Variants in ZNF790 observed in about 807,000 individuals in gnomAD.
ZNF790 encodes the protein zinc finger protein 790.
A neutral mutation model predicts 12.1 loss-of-function variants in ZNF790; 8 were observed. The observed-to-expected ratio is 0.66, with a 90% CI of 0.39 to 1.19. ZNF790 has a LOEUF of 1.19. Among genes scored for constraint, ZNF790 ranks in the 50% most tolerant of loss-of-function variants. The pLI is 0.01. For synonymous variants in ZNF790, 252 were observed against 244.3 expected (o/e 1.03, Z -0.29); for missense variants, 707 against 752.2 (o/e 0.94, Z 0.70).
At position 36,818,436 on chromosome 19, in the gene ZNF790, C is replaced by T. The variant is rs2071589369; in HGVS notation, c.1908G>A (p.Leu636=). The change falls in exon 5 of 5, where the codon TTG becomes TTA. Residue 636 remains leucine (L), a synonymous_variant. Coordinates refer to ENST00000356725, the MANE Select transcript of ZNF790 (RefSeq NM_206894.4). ...FSSSSHFISL[L] The stretch of plus-strand genomic sequence containing the variant: ...TCCTACACTTTTATATAATATTTCA[C>T]AAGAGTGAAATGAAGTGAGAGCTTG... 1.3e-6 allele frequency: 2 copies of T among 1,532,638 alleles called. No homozygotes were observed. 94.9% of individuals were successfully genotyped at this position (1,532,638 alleles called of 1,614,324 possible).
At position 36,823,783 on chromosome 19, in the gene ZNF790, A is replaced by G. The variant is rs556578649; in HGVS notation, c.17T>C (p.Met6Thr). 6.9e-6 allele frequency: 11 copies of G among 1,604,826 alleles called. 2 individuals carry two copies. The African/African-American group carries it at 1.1e-4, about 16-fold the overall frequency. MAHLM[M>T]FRDVAVDFSQ... Reference sequence around the variant, plus strand: ...GAAATCTACAGCCACATCCCTGAACATCATCAACTGTTGGAAAGAATAATT... The same window carrying G: ...GAAATCTACAGCCACATCCCTGAACGTCATCAACTGTTGGAAAGAATAATT... The change falls in exon 3 of 5, where the codon ATG (methionine) becomes ACG (threonine). Residue 6 changes from methionine (M) to threonine (T), a missense_variant. Physicochemically the swap from Met to Thr is moderately conservative, Grantham distance 81. Transcript: ENST00000356725.
At chr19:36,826,817 G>A (rs920502345) in intron 1 of ZNF790, among the ~76,000 whole-genome samples, 2 of 150,214 alleles carry the variant, frequency 1.3e-5, no homozygotes, top group African/African-American at 2.4e-5. Flanking sequence ...CTAGTTCTAA[G>A]GAGCCCAAAC....
upstream of ZNF790, among the ~76,000 whole-genome samples, chr19:36,840,071 G>GA (rs924877011): frequency 1.3e-5 from 2 of 151,548 alleles, no homozygotes; most frequent in South Asian, 2.1e-4. Context: ...CTCAAAAAAA[G>GA]AAAAAAAAGT....
chr19:36,823,161 G>T, intron 4 of ZNF790, 124 bp downstream of exon 4: 2 of 773,166 alleles, frequency 2.6e-6, no homozygotes, highest in Non-Finnish European at 4.1e-6. Context: ...CACCACACCC[G>T]GCCCATTTTT....
At chr19:36,824,417 G>A (rs1286900646) in intron 2 of ZNF790, among the ~76,000 whole-genome samples, 1 of 151,850 alleles carries the variant, frequency 6.6e-6, no homozygotes, top group African/African-American at 2.4e-5. Context: ...AGTGATTCTT[G>A]TGCCCCAGCC....
chr19:36,819,948 A>G lies in ZNF790; in HGVS notation c.396T>C (p.Asp132=), dbSNP rs2071629976. 3 of 1,614,138 alleles carry G rather than the reference A, an allele frequency of 1.9e-6. No homozygotes were observed. The highest frequency in any genetic ancestry group is 2.2e-5 in the East Asian group (1 of 44,874). ...CCTGCTTGAAGCATTCCTCTTGATT[A>G]TCTTGAAGTGTTTGAAACTGAGTGT... The part of the protein sequence containing the change: ...EGNTQFQTLQ[D]NQEECFKQVI... Residue 132 remains aspartate, a synonymous_variant, in exon 5 of 5, where the codon GAT becomes GAC. Transcript: ENST00000356725.
upstream of ZNF790, among the ~76,000 whole-genome samples, chr19:36,840,172 G>A (rs1008246063): frequency 2.0e-4 from 30 of 152,084 alleles, no homozygotes; most frequent in African/African-American, 6.0e-4. Flanking sequence ...TGGATTAACC[G>A]AAAACCCCAT....
Position 36,830,534 on chromosome 19 carries a change from G to T in ZNF790, c.-73-4842C>A, listed in dbSNP as rs1431404568. 2.0e-5 allele frequency among the ~76,000 whole-genome samples: 3 copies of T among 152,146 alleles called. No homozygotes were observed. The East Asian group carries it at 5.8e-4, about 29-fold the overall frequency. On this transcript the variant is annotated intron_variant, in intron 1 of 4. Coordinates refer to ENST00000356725, the MANE Select transcript of ZNF790 (RefSeq NM_206894.4). ...AAATACTGGCCTCATAAAATGAGCT[G>T]GGGACTTGGCTGTATTCCTTAATTA...
intron 3 of ZNF790, 89 bp from the exon 4 acceptor site, chr19:36,823,469 A>T: frequency 7.4e-7 from 1 of 1,352,150 alleles, no homozygotes; most frequent in Non-Finnish European, 1.0e-6. Flanking sequence ...GAAGAGAAAC[A>T]ATTACAGGCA....
At chr19:36,823,879 G>A in intron 2 of ZNF790, 89 bp from the exon 3 acceptor site, 1 of 1,241,164 alleles carries the variant, frequency 8.1e-7, no homozygotes, top group Non-Finnish European at 1.1e-6. Flanking sequence ...GGCTGGAAAG[G>A]GGCACTGCAG....
At chr19:36,824,145 C>T (rs930697100) in intron 2 of ZNF790, among the ~76,000 whole-genome samples, 18 of 151,726 alleles carry the variant, frequency 1.2e-4, no homozygotes, top group Admixed American at 8.5e-4. Flanking sequence ...TACAGGCGCC[C>T]GCTACCACGC....
intron 4 of ZNF790, among the ~76,000 whole-genome samples, chr19:36,820,866 G>A (rs2071651736): frequency 6.6e-6 from 1 of 150,558 alleles, no homozygotes; most frequent in African/African-American, 2.4e-5. Flanking sequence ...CCACACTCCA[G>A]CATGGGTGAC....
Position 36,819,092 on chromosome 19 carries a change from C to A in ZNF790, c.1252G>T (p.Gly418Cys), listed in dbSNP as rs775661080. 1.2e-6 allele frequency: 2 copies of A among 1,613,702 alleles called. No homozygotes were observed. Among genetic ancestry groups the A allele is most frequent in the Admixed American group, 3.3e-5 (2 of 59,922 alleles). ...HLARHQRIHT[G>C]RKPYECKQCG... Reference sequence around the variant, plus strand: ...TGCTTACATTCATAAGGTTTCCTGCCAGTATGAATTCGCTGATGTCGAGCA... The same window carrying A: ...TGCTTACATTCATAAGGTTTCCTGCAAGTATGAATTCGCTGATGTCGAGCA... The change falls in exon 5 of 5, where the codon GGC becomes TGC. Residue 418 changes from glycine (G) to cysteine (C), a missense_variant. Gly to Cys is a radical substitution (Grantham distance 159). Transcript: ENST00000356725.
At chr19:36,836,733 G>A (rs1454907638) in intron 1 of ZNF790, among the ~76,000 whole-genome samples, 2 of 152,258 alleles carry the variant, frequency 1.3e-5, no homozygotes, top group African/African-American at 4.8e-5. Flanking sequence ...ACTCCAGCCT[G>A]GTGACAGAAC....
upstream of ZNF790, among the ~76,000 whole-genome samples, chr19:36,839,302 GA>G (rs1256727305): frequency 6.6e-6 from 1 of 152,212 alleles, no homozygotes; most frequent in Non-Finnish European, 1.5e-5. Context: ...GAAAATACTT[GA>G]AGTGCATAAA....
chr19:36,828,219 T>G (rs2071871454), intron 1 of ZNF790: 1 of 152,204 alleles, frequency 6.6e-6, no homozygotes, highest in Admixed American at 6.5e-5. Context: ...ATCCCAGCAC[T>G]TTGGGAGGCC....
At chr19:36,827,084 GTA>G (rs200808764) in intron 1 of ZNF790, among the ~76,000 whole-genome samples, 32,366 of 134,354 alleles carry the variant, frequency 0.24, 4,709 homozygotes, top group Non-Finnish European at 0.31. Context: ...GTGTATGTGT[GTA>G]TATATGTGTG....
chr19:36,832,670 G>A (rs1352950233), intron 1 of ZNF790, among the ~76,000 whole-genome samples: 4 of 152,068 alleles, frequency 2.6e-5, no homozygotes, highest in African/African-American at 9.7e-5. Context: ...GAACTTCCCA[G>A]CTAAGCCACT....
intron 1 of ZNF790, among the ~76,000 whole-genome samples, chr19:36,830,015 G>A (rs997700136): frequency 9.2e-5 from 14 of 152,052 alleles, no homozygotes; most frequent in Non-Finnish European, 1.3e-4. Context: ...GCTGTGTTCC[G>A]TTCTTTTCTC....
Sources: gnomAD v4.1 joint callset for allele counts (sites outside exome capture counted in the v4.1 genomes callset) on GRCh38, gnomAD v4.1.1 for gene constraint, MANE v1.5 for transcripts, NCBI Gene and HGNC (gene_info 2026-07-23, HGNC 2026-07-21) for gene names.